The following FOXK2 variants were observed in gnomAD, a reference collection of about 807,000 sequenced individuals.
The protein encoded by FOXK2 is forkhead box protein K2.
Under a neutral mutation model 53.3 loss-of-function variants are expected in FOXK2, and 24 were observed. The observed-to-expected ratio is 0.45, with a 90% CI of 0.33 to 0.63. The LOEUF is 0.63. Among genes scored for constraint, FOXK2 ranks in the 30% least tolerant of loss-of-function variants. The pLI, the probability that FOXK2 is intolerant of heterozygous loss-of-function variation, is 0.03. For synonymous variants in FOXK2, 505 were observed against 407.1 expected (o/e 1.24, Z -2.89); for missense variants, 952 against 910.5 (o/e 1.05, Z -0.59).
chr17:82,571,638 A>C (rs1322889661), intron 3 of FOXK2, 86 bp from the exon 4 acceptor site: 3 of 1,329,652 alleles, frequency 2.3e-6, no homozygotes, highest in Non-Finnish European at 3.0e-6. Flanking sequence ...GAACACTTAA[A>C]AGCACTGAGA....
At position 82,586,013 on chromosome 17, in the gene FOXK2, C is replaced by G. The variant is rs148172805; in HGVS notation, c.1389C>G (p.Ser463=). 4.2e-4 allele frequency: 670 copies of G among 1,612,826 alleles called. 1 individual carries two copies. The highest frequency in any genetic ancestry group is 5.2e-4 in the Non-Finnish European group (614 of 1,179,986). ...CCACCCCAGTGACCACCTCGACCTCCCAGCCACCCGTCGTGCAGACGGTTC... is the reference window on the plus strand; with the variant it reads ...CCACCCCAGTGACCACCTCGACCTCGCAGCCACCCGTCGTGCAGACGGTTC... ...TVATPVTTST[S]QPPVVQTVHV... Residue 463 remains serine, a synonymous_variant, in exon 7 of 9, where the codon TCC becomes TCG. Transcript: ENST00000335255.
intron 1 of FOXK2, among the ~76,000 whole-genome samples, chr17:82,534,389 G>T (rs570779396): frequency 6.6e-6 from 1 of 152,332 alleles, no homozygotes; most frequent in Admixed American, 6.5e-5. Flanking sequence ...CTTGATAGTT[G>T]TTGCGGCTCT....
chr17:82,559,173 C>T lies in FOXK2; in HGVS notation c.420-4181C>T, dbSNP rs1398591826. On this transcript the variant is annotated intron_variant, in intron 1 of 8. Coordinates refer to ENST00000335255, the MANE Select transcript of FOXK2 (RefSeq NM_004514.4). ...CCTCCCAAAGTGCTGGGATGACAGG[C>T]GTGAGCTACTGAGCCTGGCTTAGTA... 5.3e-5 allele frequency among the ~76,000 whole-genome samples: 8 copies of T among 152,152 alleles called. No homozygotes were observed. The South Asian group carries it at 6.2e-4, about 12-fold the overall frequency.
chr17:82,540,509 G>A (rs545842499), intron 1 of FOXK2, among the ~76,000 whole-genome samples: 1 of 152,114 alleles, frequency 6.6e-6, no homozygotes, highest in South Asian at 2.1e-4. Flanking sequence ...CATCCCATTG[G>A]CCTGGATGCT....
chr17:82,520,525 G>GCC (rs61108007), intron 1 of FOXK2, among the ~76,000 whole-genome samples: 3 of 152,164 alleles, frequency 2.0e-5, no homozygotes, highest in African/African-American at 7.2e-5. Context: ...GGCAGGTGCA[G>GCC]CCCCCCGTCT....
intron 1 of FOXK2, chr17:82,559,336 C>G: frequency 2.2e-6 from 1 of 455,792 alleles, no homozygotes; most frequent in Non-Finnish European, 4.4e-6. Context: ...ACCGTGCGGA[C>G]TCCACAGCTG....
At chr17:82,554,518 G>T (rs1477895675) in intron 1 of FOXK2, among the ~76,000 whole-genome samples, 2 of 152,170 alleles carry the variant, frequency 1.3e-5, no homozygotes, top group Admixed American at 6.5e-5. Flanking sequence ...TTGTTGGTTT[G>T]TTCAAGTGAA....
chr17:82,536,349 A>T (rs2044520729), intron 1 of FOXK2, among the ~76,000 whole-genome samples: 1 of 152,062 alleles, frequency 6.6e-6, no homozygotes, highest in Non-Finnish European at 1.5e-5. Context: ...TGTTGTTGCA[A>T]ACTGGACCTG....
intron 8 of FOXK2, among the ~76,000 whole-genome samples, chr17:82,592,226 G>C (rs772019762): frequency 9.9e-5 from 15 of 152,214 alleles, no homozygotes; most frequent in African/African-American, 3.6e-4. Context: ...TTTGATTTGG[G>C]AGTTCGGGGC....
At chr17:82,595,790 G>C in intron 8 of FOXK2, 1 of 1,289,496 alleles carries the variant, frequency 7.8e-7, no homozygotes, top group Non-Finnish European at 1.0e-6. Context: ...AGGGCCCCTT[G>C]GCCTCAGAAG....
At chr17:82,582,423 G>A (rs2045074776) in intron 4 of FOXK2, among the ~76,000 whole-genome samples, 1 of 152,178 alleles carries the variant, frequency 6.6e-6, no homozygotes, top group Admixed American at 6.5e-5. Flanking sequence ...ACCCCAGGCT[G>A]CTACTTCCCT....
intron 1 of FOXK2, among the ~76,000 whole-genome samples, chr17:82,524,398 G>T (rs188809864): frequency 2.0e-5 from 3 of 152,234 alleles, no homozygotes; most frequent in Admixed American, 2.0e-4. Flanking sequence ...AGTAGTTTAG[G>T]TTTAAAATTT....
At chr17:82,595,653 G>A (rs1470930936) in intron 8 of FOXK2, 11 of 663,110 alleles carry the variant, frequency 1.7e-5, no homozygotes, top group Admixed American at 1.0e-4. Flanking sequence ...ATGTGGTCAC[G>A]GTTTTTCTTC....
intron 1 of FOXK2, among the ~76,000 whole-genome samples, chr17:82,535,680 C>G (rs2044512838): frequency 6.6e-6 from 1 of 151,618 alleles, no homozygotes; most frequent in South Asian, 2.1e-4. Flanking sequence ...TTTATGCTGT[C>G]TCTGTCGATA....
Position 82,601,616 on chromosome 17 carries a change from GAAAAC to G in FOXK2, c.*118_*122del. On this transcript the variant is annotated 3_prime_UTR_variant, in exon 9 of 9. Transcript: ENST00000335255. Reference sequence around the variant, plus strand: ...TGGTTGGACTTCACCTCTCAGCACTGAAAACCCAAAACCCAGCTGGCCTTAACACT... The same window carrying G: ...TGGTTGGACTTCACCTCTCAGCACTGCCAAAACCCAGCTGGCCTTAACACT... 9.3e-7 allele frequency: 1 copy of G among 1,078,558 alleles called. No individual in the cohort carries two copies. Among genetic ancestry groups the G allele is most frequent in the Non-Finnish European group, 1.3e-6 (1 of 773,478 alleles). 66.8% of individuals were successfully genotyped at this position (1,078,558 alleles called of 1,614,324 possible). A position where few individuals can be genotyped will look rare whatever the true frequency, so the allele number is the denominator to read the frequency against.
chr17:82,524,139 C>G (rs1419007829), intron 1 of FOXK2, among the ~76,000 whole-genome samples: 2 of 152,156 alleles, frequency 1.3e-5, no homozygotes, highest in Admixed American at 6.5e-5. Context: ...TCCGTCCCGC[C>G]TCCGCTTCCC....
intron 1 of FOXK2, among the ~76,000 whole-genome samples, chr17:82,539,884 T>C (rs1475701267): frequency 2.6e-5 from 4 of 151,518 alleles, no homozygotes; most frequent in African/African-American, 4.9e-5. Context: ...GAGAATCTCT[T>C]AAACCTGGGA....
At chr17:82,565,413 T>C (rs2044842314) in intron 2 of FOXK2, among the ~76,000 whole-genome samples, 2 of 152,200 alleles carry the variant, frequency 1.3e-5, no homozygotes, top group African/African-American at 4.8e-5. Flanking sequence ...TTGCAAATCA[T>C]ACATCTGACA....
intron 1 of FOXK2, among the ~76,000 whole-genome samples, chr17:82,532,260 T>C (rs756183056): frequency 6.6e-6 from 1 of 152,110 alleles, no homozygotes; most frequent in Non-Finnish European, 1.5e-5. Context: ...TTCTCCTGCC[T>C]CAGCTTTCCG....
Sources: allele counts gnomAD v4.1 joint callset (sites outside exome capture counted in the v4.1 genomes callset), GRCh38; gene constraint gnomAD v4.1.1; transcripts MANE v1.5; gene names NCBI Gene and HGNC (gene_info 2026-07-23, HGNC 2026-07-21).